The following TASP1 variants were observed in gnomAD, a reference collection of about 807,000 sequenced individuals.
The protein encoded by TASP1 is threonine aspartase 1.
TASP1 carries 16 observed loss-of-function variants against 56.6 expected under a neutral mutation model. That is an observed-to-expected ratio of 0.28 (90% CI 0.19 to 0.43). The LOEUF is 0.43. TASP1 is among the 20% of genes least tolerant of loss of function. The probability of loss-of-function intolerance (pLI) is 1.00; values close to 1 mark genes in which losing one functional copy is unlikely to be tolerated. For missense variants in TASP1, 393 were observed against 511.6 expected, an observed-to-expected ratio of 0.77 and a Z score of 2.24; for synonymous variants, 179 against 184.2, an observed-to-expected ratio of 0.97 and a Z score of 0.23.
chr20:13,221,146 T>G, the TASP1 span, among the ~76,000 whole-genome samples: 2 of 150,178 alleles, frequency 1.3e-5, no homozygotes, highest in African/African-American at 4.9e-5. Flanking sequence ...GCTTGCCGGG[T>G]GAGTGGCTCG....
the TASP1 span, among the ~76,000 whole-genome samples, chr20:13,311,212 T>TAGA: frequency 1.1e-3 from 116 of 108,994 alleles, no homozygotes; most frequent in Middle Eastern, 0.012. Context: ...TAGATATAGA[T>TAGA]AGATGATAGA....
the TASP1 span, among the ~76,000 whole-genome samples, chr20:13,317,413 A>C: frequency 6.6e-6 from 1 of 151,898 alleles, no homozygotes; most frequent in Non-Finnish European, 1.5e-5. Flanking sequence ...AATCCCAACA[A>C]GTTATTTCAT....
the TASP1 span, chr20:13,239,372 GGGCATGAAT>G: frequency 6.6e-6 from 1 of 152,214 alleles, no homozygotes; most frequent in Admixed American, 6.5e-5. Context: ...ACCCAATAAT[GGGCATGAAT>G]GGCCTTGGCC....
the TASP1 span, among the ~76,000 whole-genome samples, chr20:13,208,466 T>A: frequency 6.6e-6 from 1 of 152,216 alleles, no homozygotes; most frequent in Non-Finnish European, 1.5e-5. Flanking sequence ...GTATGGTAGA[T>A]TACAAAACCA....
At chr20:13,128,067 A>T in the TASP1 span, among the ~76,000 whole-genome samples, 4 of 152,262 alleles carry the variant, frequency 2.6e-5, no homozygotes, top group Admixed American at 6.5e-5. Flanking sequence ...TGAAGTGAGA[A>T]AAACAATATT....
the TASP1 span, among the ~76,000 whole-genome samples, chr20:13,337,119 C>T: frequency 1.3e-5 from 2 of 152,128 alleles, no homozygotes; most frequent in Non-Finnish European, 2.9e-5. Context: ...AAAGCAAAAC[C>T]ATCTCAAGTG....
intron 10 of TASP1, among the ~76,000 whole-genome samples, chr20:13,518,645 G>A (rs560908226): frequency 7.9e-5 from 12 of 152,174 alleles, no homozygotes; most frequent in African/African-American, 2.9e-4. Context: ...GTATTTGTTT[G>A]TCATTCATAT....
At chr20:13,110,547 C>G in the TASP1 span, among the ~76,000 whole-genome samples, 2 of 152,132 alleles carry the variant, frequency 1.3e-5, no homozygotes, top group African/African-American at 4.8e-5. Context: ...CTGGGTTATT[C>G]AAGATCAAAA....
intron 13 of TASP1, among the ~76,000 whole-genome samples, chr20:13,411,917 G>A (rs529660977): frequency 2.6e-5 from 4 of 152,192 alleles, no homozygotes; most frequent in Non-Finnish European, 5.9e-5. Flanking sequence ...TACATGTTGG[G>A]AGCAGGAGAG....
At chr20:13,583,982 G>A (rs368224668) in intron 5 of TASP1, among the ~76,000 whole-genome samples, 4 of 152,252 alleles carry the variant, frequency 2.6e-5, no homozygotes, top group African/African-American at 9.6e-5. Context: ...AGGAGGCTGA[G>A]GCAGGAGAAT....
chr20:13,344,537 T>C, the TASP1 span, among the ~76,000 whole-genome samples: 1 of 152,174 alleles, frequency 6.6e-6, no homozygotes, highest in South Asian at 2.1e-4. Context: ...AAGATCTGCC[T>C]GTACAGATAT....
the TASP1 span, chr20:13,221,745 C>G: frequency 7.3e-7 from 1 of 1,366,654 alleles, no homozygotes; most frequent in Non-Finnish European, 9.4e-7. Context: ...CCGGCCGCCG[C>G]GCCGGGTCCT....
chr20:13,423,843 C>T (rs1014554085), intron 12 of TASP1, among the ~76,000 whole-genome samples: 2 of 152,134 alleles, frequency 1.3e-5, no homozygotes, highest in Admixed American at 1.3e-4. Context: ...AGAATTTCTT[C>T]CCTGTTTAGA....
chr20:13,461,427 C>A (rs139311038), intron 11 of TASP1, among the ~76,000 whole-genome samples: 4 of 152,100 alleles, frequency 2.6e-5, no homozygotes, highest in Non-Finnish European at 5.9e-5. Context: ...AGTGCCTGGC[C>A]TGAAACATAG....
At chr20:13,583,119 C>A (rs2047183414) in intron 5 of TASP1, among the ~76,000 whole-genome samples, 1 of 152,204 alleles carries the variant, frequency 6.6e-6, no homozygotes. Context: ...CATTGATACC[C>A]ACACCCACTC....
chr20:13,469,954 AC>A (rs1360204352), intron 11 of TASP1, among the ~76,000 whole-genome samples: 2 of 150,792 alleles, frequency 1.3e-5, no homozygotes, highest in Non-Finnish European at 2.9e-5. Context: ...AACTATAGGC[AC>A]CTGACACCAT....
At chr20:13,571,342 C>T (rs1432578528) in intron 6 of TASP1, among the ~76,000 whole-genome samples, 1 of 152,186 alleles carries the variant, frequency 6.6e-6, no homozygotes. Flanking sequence ...AAAAACTATA[C>T]TGACATGTCA....
At chr20:13,166,001 C>T in the TASP1 span, 2 of 152,470 alleles carry the variant, frequency 1.3e-5, no homozygotes, top group Non-Finnish European at 2.9e-5. Context: ...ACACAAACCT[C>T]TATGGAAAAG....
At chr20:13,577,683 C>T (rs978296534) in intron 6 of TASP1, among the ~76,000 whole-genome samples, 2 of 152,176 alleles carry the variant, frequency 1.3e-5, no homozygotes, top group East Asian at 1.9e-4. Flanking sequence ...AGAAAAGGAA[C>T]GCTCACCAGA....
Sources: gnomAD v4.1 joint callset for allele counts (sites outside exome capture counted in the v4.1 genomes callset) on GRCh38, gnomAD v4.1.1 for gene constraint, MANE v1.5 for transcripts, NCBI Gene and HGNC (gene_info 2026-07-23, HGNC 2026-07-21) for gene names.